The following UGT1A8 variants were observed in gnomAD, a reference collection of about 807,000 sequenced individuals.
UGT1A8 encodes the protein UDP glucuronosyltransferase family 1 member A8, also known as UDP-glucuronosyltransferase 1A8.
A neutral mutation model predicts 45.3 loss-of-function variants in UGT1A8; 39 were observed. That is an observed-to-expected ratio of 0.86 (90% CI 0.67 to 1.12). UGT1A8 has a LOEUF of 1.12. Among genes scored for constraint, UGT1A8 ranks in the 50% most tolerant of loss-of-function variants. The pLI is 0.00. For synonymous variants in UGT1A8, 275 were observed against 249.2 expected, an observed-to-expected ratio of 1.10 and a Z score of -0.97; for missense variants, 719 against 664.9, an observed-to-expected ratio of 1.08 and a Z score of -0.90.
At chr2:233,734,318 A>T (rs1468594401) in intron 1 of UGT1A8, among the ~76,000 whole-genome samples, 1 of 152,016 alleles carries the variant, frequency 6.6e-6, no homozygotes, top group African/African-American at 2.4e-5. Context: ...GTGTAGACGT[A>T]TTTATAGTAT....
chr2:233,617,766 G>A lies in UGT1A8; in HGVS notation c.59G>A (p.Cys20Tyr). 6.2e-7 allele frequency: 1 copy of A among 1,614,140 alleles called. No homozygotes were observed. Residue 20 changes from cysteine (C) to tyrosine (Y), a missense_variant, in exon 1 of 5, where the codon TGT (cysteine) becomes TAT (tyrosine). By Grantham distance (194) the Cys-to-Tyr change is radical. Transcript: ENST00000373450. ...IPLCVSLLLT[C>Y]GFAEAGKLLV... ...CTATGTGTTTCTCTGCTGCTGACCT[G>A]TGGCTTTGCTGAGGCAGGGAAGCTG...
At chr2:233,624,117 C>G (rs2073056240) in intron 1 of UGT1A8, among the ~76,000 whole-genome samples, 1 of 152,176 alleles carries the variant, frequency 6.6e-6, no homozygotes, top group African/African-American at 2.4e-5. Context: ...CATCACAACT[C>G]ATTCACCAAT....
In UGT1A8 at chr2:233,713,469, G is replaced by A. The variant is rs755500428; in HGVS notation, c.856-53565G>A. The A allele has an allele frequency of 2.5e-6, 4 of 1,614,076 alleles. No homozygotes were observed. The South Asian group carries it at 4.4e-5, about 18-fold the overall frequency. ...AGACCCCTTTCACCTCTGCGCGGCG[G>A]TGCTGGCTAAGTACCTGTCGATTCC... On this transcript the variant is annotated intron_variant, in intron 1 of 4. Transcript: ENST00000373450.
In UGT1A8 at chr2:233,758,028, C is replaced by A. The variant is rs116537239; in HGVS notation, c.856-9006C>A. 3.8e-3 allele frequency among the ~76,000 whole-genome samples: 585 copies of A among 152,248 alleles called. 2 individuals are homozygous for A. Among genetic ancestry groups the A allele is most frequent in the African/African-American group, 0.013 (559 of 41,526 alleles). On this transcript the variant is annotated intron_variant, in intron 1 of 4. Coordinates refer to ENST00000373450, the MANE Select transcript of UGT1A8 (RefSeq NM_019076.5). ...CATGAGTTTGTCTCTGTCTACCTGA[C>A]CCCTCCTTTCAGGCAAGGACCATTT...
intron 1 of UGT1A8, among the ~76,000 whole-genome samples, chr2:233,736,892 T>C (rs905438192): frequency 2.6e-5 from 4 of 152,220 alleles, no homozygotes; most frequent in Non-Finnish European, 5.9e-5. Flanking sequence ...TATTGCTGCC[T>C]GATCCTTCCT....
At chr2:233,709,578 A>G (rs2125616142) in intron 1 of UGT1A8, among the ~76,000 whole-genome samples, 1 of 152,336 alleles carries the variant, frequency 6.6e-6, no homozygotes, top group South Asian at 2.1e-4. Flanking sequence ...AAATTCAAAA[A>G]ATATACCAGG....
chr2:233,772,784 A>G lies in UGT1A8; in HGVS notation c.*225A>G. ...CGTGCCCCCTCTGGTGTCTTTGATCAGGATGACATGTGCCATTTTTCAGAG... is the reference window on the plus strand; with the variant it reads ...CGTGCCCCCTCTGGTGTCTTTGATCGGGATGACATGTGCCATTTTTCAGAG... On this transcript the variant is annotated 3_prime_UTR_variant, in exon 5 of 5. Transcript: ENST00000373450. 1 of 1,271,314 alleles carries G rather than the reference A, an allele frequency of 7.9e-7. No homozygotes were observed. Among genetic ancestry groups the G allele is most frequent in the Non-Finnish European group, 1.0e-6 (1 of 961,544 alleles). 78.8% of individuals were successfully genotyped at this position (1,271,314 alleles called of 1,614,324 possible).
At chr2:233,693,514 C>T in intron 1 of UGT1A8, 16 of 1,614,208 alleles carry the variant, frequency 9.9e-6, no homozygotes, top group Non-Finnish European at 1.4e-5. Context: ...CTGTGTACCT[C>T]TTCAGGGGTT....
At chr2:233,743,995 GC>G (rs1271235263) in intron 1 of UGT1A8, 1 of 1,246,764 alleles carries the variant, frequency 8.0e-7, no homozygotes. Flanking sequence ...AGGCCCGAGT[GC>G]TCGGAGACCT....
chr2:233,684,122 A>T (rs2125528106), intron 1 of UGT1A8, among the ~76,000 whole-genome samples: 1 of 152,280 alleles, frequency 6.6e-6, no homozygotes, highest in South Asian at 2.1e-4. Flanking sequence ...CTGGCTTCTT[A>T]CAAAGTTCAG....
rs1285191532 is a variant in UGT1A8, at chr2:233,618,051, G to A, written c.344G>A (p.Gly115Asp). ...LFSLFLSSSN[G>D]FFNLFFSHCR... The stretch of plus-strand genomic sequence containing the variant: ...TCTCTATTTCTGAGTTCATCCAATG[G>A]TTTTTTTAACTTATTTTTTTCGCAT... The change falls in exon 1 of 5, where the codon GGT becomes GAT. Residue 115 changes from glycine to aspartate, a missense_variant. Transcript: ENST00000373450. The A allele has an allele frequency of 1.9e-6, 3 of 1,613,936 alleles. No homozygotes were observed. The highest frequency in any genetic ancestry group is 1.1e-5 in the South Asian group (1 of 91,046).
chr2:233,760,198 T>C (rs907119126), intron 1 of UGT1A8: 1 of 1,579,636 alleles, frequency 6.3e-7, no homozygotes, highest in Admixed American at 1.7e-5. Context: ...CGTGACACAG[T>C]CAAACATTAA....
At chr2:233,633,152 G>A (rs559000735) in intron 1 of UGT1A8, among the ~76,000 whole-genome samples, 1 of 152,270 alleles carries the variant, frequency 6.6e-6, no homozygotes, top group South Asian at 2.1e-4. Flanking sequence ...GCATCCCAGG[G>A]ATGAAGCCGA....
At chr2:233,620,602 ATATC>A (rs2072984395) in intron 1 of UGT1A8, among the ~76,000 whole-genome samples, 1 of 152,236 alleles carries the variant, frequency 6.6e-6, no homozygotes, top group Admixed American at 6.5e-5. Context: ...ATGTGTTTCT[ATATC>A]TATTAAAGAA....
At chr2:233,675,855 T>A (rs1276597881) in intron 1 of UGT1A8, among the ~76,000 whole-genome samples, 1 of 152,128 alleles carries the variant, frequency 6.6e-6, no homozygotes, top group Non-Finnish European at 1.5e-5. Flanking sequence ...ATATAAAAAA[T>A]AAGAAAAATT....
intron 1 of UGT1A8, among the ~76,000 whole-genome samples, chr2:233,763,291 T>C (rs1222576175): frequency 6.6e-6 from 1 of 152,232 alleles, no homozygotes; most frequent in Non-Finnish European, 1.5e-5. Context: ...AAATTCCACT[T>C]TTTGGATATT....
chr2:233,646,155 T>C (rs2073595976), intron 1 of UGT1A8, among the ~76,000 whole-genome samples: 1 of 152,130 alleles, frequency 6.6e-6, no homozygotes, highest in Admixed American at 6.5e-5. Flanking sequence ...GTACTTTGGC[T>C]CCTTTTGGAC....
At chr2:233,657,186 C>G (rs1035993385) in intron 1 of UGT1A8, among the ~76,000 whole-genome samples, 1 of 152,228 alleles carries the variant, frequency 6.6e-6, no homozygotes, top group African/African-American at 2.4e-5. Context: ...GGTCCCCCAT[C>G]ATCTCACCTT....
intron 3 of UGT1A8, 49 bp from the exon 4 acceptor site, chr2:233,768,166 AGCTGT>A: frequency 6.2e-7 from 1 of 1,613,684 alleles, no homozygotes; most frequent in South Asian, 1.1e-5. Flanking sequence ...AGATGTGTCC[AGCTGT>A]GAAACTCAGA....
Sources: gnomAD v4.1 joint callset for allele counts (sites outside exome capture counted in the v4.1 genomes callset) on GRCh38, gnomAD v4.1.1 for gene constraint, MANE v1.5 for transcripts, NCBI Gene and HGNC (gene_info 2026-07-23, HGNC 2026-07-21) for gene names.